The following UBAP1L variants were observed in gnomAD, a reference collection of about 807,000 sequenced individuals.
The protein encoded by UBAP1L is ubiquitin associated protein 1 like, also known as ubiquitin-associated protein 1-like.
A neutral mutation model predicts 32.1 loss-of-function variants in UBAP1L; 32 were observed. The observed-to-expected ratio is 1.00, with a 90% CI of 0.75 to 1.34. The LOEUF (loss-of-function observed/expected upper bound fraction) is 1.34. UBAP1L is among the 40% of genes most tolerant of loss of function. The probability of loss-of-function intolerance (pLI) is 0.00; values close to 1 mark genes in which losing one functional copy is unlikely to be tolerated. For missense variants in UBAP1L, 516 were observed against 540.5 expected (o/e 0.95, Z 0.45); for synonymous variants, 243 against 250.2 (o/e 0.97, Z 0.27).
At chr15:65,106,637 CTTTTT>C (rs35095335) in intron 1 of UBAP1L, among the ~76,000 whole-genome samples, 1 of 119,736 alleles carries the variant, frequency 8.4e-6, no homozygotes, top group Non-Finnish European at 1.8e-5. Flanking sequence ...TTAGCATAAC[CTTTTT>C]TTTTTTTTTT....
chr15:65,106,241 G>A lies in UBAP1L; in HGVS notation c.-26C>T, dbSNP rs552297564. 7.0e-5 allele frequency: 106 copies of A among 1,522,654 alleles called. No individual in the cohort carries two copies. In the South Asian group the frequency reaches 1.2e-3, roughly 18 times the overall value. 94.3% of individuals were successfully genotyped at this position (1,522,654 alleles called of 1,614,324 possible). A position where few individuals can be genotyped will look rare whatever the true frequency, so the allele number is the denominator to read the frequency against. ...TCTGTCAGGAGTGTGGAGATGGCTG[G>A]CAGGGCTGGGGCAGGCTGCTTGATG... On this transcript the variant is annotated 5_prime_UTR_variant, in exon 2 of 6. Transcript: ENST00000559089.
Position 65,094,746 on chromosome 15 carries a change from CT to C in UBAP1L, c.910-171del. The stretch of plus-strand genomic sequence containing the variant: ...TGAACCCACAGAAGGGGGATAGAGG[CT>C]TTCTCTGAGTGCCTGGCGATAGGCA... On this transcript the variant is annotated intron_variant, in intron 4 of 5. Transcript: ENST00000559089. The surrounding 1 kb of genome is among the most constrained non-coding windows in gnomAD (Gnocchi z 4.2). 1.6e-6 allele frequency: 1 copy of C among 627,392 alleles called. No individual in the cohort carries two copies. The highest frequency in any genetic ancestry group is 1.8e-5 in the South Asian group (1 of 54,808). The allele number at this position is 627,392 out of a possible 1,614,324, so 38.9% of individuals were successfully genotyped here. A position where few individuals can be genotyped will look rare whatever the true frequency, so the allele number is the denominator to read the frequency against.
At position 65,094,913 on chromosome 15, in the gene UBAP1L, G is replaced by A. The variant is rs1028934224; in HGVS notation, c.910-337C>T. On this transcript the variant is annotated intron_variant, in intron 4 of 5. Coordinates refer to ENST00000559089, the MANE Select transcript of UBAP1L (RefSeq NM_001163692.2). The surrounding 1 kb of genome is among the most constrained non-coding windows in gnomAD (Gnocchi z 4.2). ...ACAGACATCCCACCTACCACCCAAC[G>A]CAATTCAACATTCATGCACCACCCA... The A allele has an allele frequency of 1.9e-5, 7 of 361,660 alleles. No homozygotes were observed. Among genetic ancestry groups the A allele is most frequent in the South Asian group, 1.1e-4 (4 of 36,152 alleles). The allele number at this position is 361,660 out of a possible 1,614,324, so 22.4% of individuals were successfully genotyped here. A position where few individuals can be genotyped will look rare whatever the true frequency, so the allele number is the denominator to read the frequency against.
intron 2 of UBAP1L, among the ~76,000 whole-genome samples, chr15:65,103,735 G>T (rs751817849): frequency 1.2e-4 from 18 of 152,170 alleles, no homozygotes; most frequent in Non-Finnish European, 2.4e-4. Flanking sequence ...GTGGACATTT[G>T]TAAGTATGTG....
rs1483969133 is a variant in UBAP1L at position 65,106,117 on chromosome 15, C to G, written c.99G>C (p.Gly33=). 5 of 1,551,058 alleles carry G rather than the reference C, an allele frequency of 3.2e-6. No homozygotes were observed. Among genetic ancestry groups the G allele is most frequent in the Non-Finnish European group, 4.4e-6 (5 of 1,146,882 alleles). The change falls in exon 2 of 6, where the codon GGG becomes GGC. Residue 33 remains glycine (G), a synonymous_variant. Transcript: ENST00000559089. ...TTACCATAGAACCCAGCAGAACTTCCCCGCAGGCCGGGACGCTGAGTTCTG... is the reference window on the plus strand; with the variant it reads ...TTACCATAGAACCCAGCAGAACTTCGCCGCAGGCCGGGACGCTGAGTTCTG... ...PGPELSVPAC[G]EVLLGSMHDF... is the part of the protein sequence containing the mutation.
Position 65,094,649 on chromosome 15 carries a change from A to T in UBAP1L, c.910-73T>A. ...GGGGCAGCAGACAGGGCAGAGAGGC[A>T]CTCCAAGGGCCTGAGCTGAGGGCCA... On this transcript the variant is annotated intron_variant, in intron 4 of 5. Transcript: ENST00000559089. This position sits in a 1 kb window ranked among gnomAD's most constrained non-coding sequence, Gnocchi z 4.2. 1 of 1,142,078 alleles carries T rather than the reference A, an allele frequency of 8.8e-7. No individual in the cohort carries two copies. The highest frequency in any genetic ancestry group is 1.3e-6 in the Non-Finnish European group (1 of 780,292). 70.7% of individuals were successfully genotyped at this position (1,142,078 alleles called of 1,614,324 possible).
At chr15:65,112,412 G>A (rs2087374532) in intron 1 of UBAP1L, among the ~76,000 whole-genome samples, 1 of 152,150 alleles carries the variant, frequency 6.6e-6, no homozygotes, top group Non-Finnish European at 1.5e-5. Context: ...ATGTGGGAAT[G>A]TTAGGAAAGC....
chr15:65,108,937 G>A (rs1487146279), intron 1 of UBAP1L, among the ~76,000 whole-genome samples: 3 of 150,682 alleles, frequency 2.0e-5, no homozygotes, highest in Admixed American at 6.6e-5. Context: ...CAGGCAGATC[G>A]CTTGAGGTTG....
intron 1 of UBAP1L, among the ~76,000 whole-genome samples, chr15:65,113,155 G>A (rs2087379953): frequency 1.3e-5 from 2 of 152,130 alleles, no homozygotes. Flanking sequence ...AGGATTGCTG[G>A]AGCCCGTGAG....
rs1053832978 is a variant in UBAP1L, at chr15:65,093,220, G to A, written c.1023C>T (p.Phe341=). 1.9e-6 allele frequency: 3 copies of A among 1,546,106 alleles called. No individual in the cohort carries two copies. Among genetic ancestry groups the A allele is most frequent in the Non-Finnish European group, 2.6e-6 (3 of 1,145,468 alleles). Residue 341 remains phenylalanine, a synonymous_variant, in exon 6 of 6, where the codon TTC becomes TTT. Coordinates refer to ENST00000559089, the MANE Select transcript of UBAP1L (RefSeq NM_001163692.2). The part of the protein sequence containing the change: ...FQFSESQAGE[F]LRLWEQFSDM... ...CACTGAACTGCTCCCAGAGGCGCAG[G>A]AACTCCCCTGCCTGAGGAAGAGGAG...
chr15:65,107,817 C>T (rs2087333233), intron 1 of UBAP1L, among the ~76,000 whole-genome samples: 1 of 148,986 alleles, frequency 6.7e-6, no homozygotes, highest in African/African-American at 2.5e-5. Context: ...CTAAATCTAA[C>T]ACAAGATGTA....
intron 1 of UBAP1L, among the ~76,000 whole-genome samples, chr15:65,111,410 T>A (rs1448157692): frequency 6.6e-6 from 1 of 152,188 alleles, no homozygotes; most frequent in Non-Finnish European, 1.5e-5. Context: ...CCGCCCAGCA[T>A]CTGCATCCTA....
chr15:65,112,190 AAG>A (rs2087373493), intron 1 of UBAP1L, among the ~76,000 whole-genome samples: 1 of 152,180 alleles, frequency 6.6e-6, no homozygotes, highest in Admixed American at 6.5e-5. Context: ...GCCTGTGAGC[AAG>A]AGAGCAGAGG....
rs765098451 is a variant in UBAP1L, at chr15:65,111,792, CT to C, written c.-174+3357del. Among the ~76,000 whole-genome samples the C allele has an allele frequency of 1.9e-4, 29 of 149,278 alleles. No individual in the cohort carries two copies. The East Asian group carries it at 2.2e-3, about 11-fold the overall frequency. ...GAGCCACCATGCCCAGCCTATATCTCTTTTTTTTTTCTTTTTTAGGCAGAGT... is the reference window on the plus strand; with the variant it reads ...GAGCCACCATGCCCAGCCTATATCTCTTTTTTTTTCTTTTTTAGGCAGAGT... On this transcript the variant is annotated intron_variant, in intron 1 of 5. Coordinates refer to ENST00000559089, the MANE Select transcript of UBAP1L (RefSeq NM_001163692.2).
chr15:65,096,826 T>A (rs994104968), intron 4 of UBAP1L: 4 of 152,310 alleles, frequency 2.6e-5, no homozygotes, highest in African/African-American at 9.6e-5. Flanking sequence ...TTCTTTTGTA[T>A]CTTCTTCTCT....
chr15:65,112,563 C>G (rs2087375354), intron 1 of UBAP1L, among the ~76,000 whole-genome samples: 1 of 151,976 alleles, frequency 6.6e-6, no homozygotes, highest in Admixed American at 6.6e-5. Flanking sequence ...TAAGTGGGGC[C>G]CAGGCAATGA....
intron 3 of UBAP1L, chr15:65,099,971 C>T (rs1048928477): frequency 2.4e-5 from 8 of 336,844 alleles, no homozygotes; most frequent in East Asian, 1.6e-4. Flanking sequence ...GGACTGGGCG[C>T]GGTGGCTCAT....
Position 65,099,494 on chromosome 15 carries a change from C to A in UBAP1L, c.909+11G>T. On this transcript the variant is annotated intron_variant, in intron 4 of 5. Transcript: ENST00000559089. ...CATCACAGCTCATCAGCTCTGGGTC[C>A]CCCAACTCACCTGGCTCAGGCTCTG... The A allele has an allele frequency of 6.5e-7, 1 of 1,549,114 alleles. No homozygotes were observed. Among genetic ancestry groups the A allele is most frequent in the Non-Finnish European group, 8.7e-7 (1 of 1,146,546 alleles).
chr15:65,102,407 G>T lies in UBAP1L; in HGVS notation c.398C>A (p.Pro133Gln). ...PAPSSLQPGS[P>Q]ASPGPGRRLC... ...GCGACGGCCGGGGCCGGGGCTCGCC[G>T]GGGAGCCCGGTTGGAGGCTGCTGGG... The change falls in exon 3 of 6, where the codon CCG (proline) becomes CAG (glutamine). Residue 133 changes from proline (P) to glutamine (Q), a missense_variant. Physicochemically the swap from Pro to Gln is moderately conservative, Grantham distance 76 (BLOSUM62 -1). Transcript: ENST00000559089. The surrounding 1 kb of genome is among the most constrained non-coding windows in gnomAD (Gnocchi z 5.0). 1 of 1,427,698 alleles carries T rather than the reference G, an allele frequency of 7.0e-7. No homozygotes were observed. The highest frequency in any genetic ancestry group is 9.1e-7 in the Non-Finnish European group (1 of 1,096,594). The allele number at this position is 1,427,698 out of a possible 1,614,324, so 88.4% of individuals were successfully genotyped here. A position where few individuals can be genotyped will look rare whatever the true frequency, so the allele number is the denominator to read the frequency against.
Sources: allele counts gnomAD v4.1 joint callset (sites outside exome capture counted in the v4.1 genomes callset), GRCh38; gene constraint gnomAD v4.1.1; non-coding constraint Gnocchi (gnomAD v3.1); transcripts MANE v1.5; gene names NCBI Gene and HGNC (gene_info 2026-07-23, HGNC 2026-07-21).